Variants in DUSP10 observed in about 807,000 individuals in gnomAD.
The protein encoded by DUSP10 is dual specificity protein phosphatase 10.
Under a neutral mutation model 30.8 loss-of-function variants are expected in DUSP10, and 14 were observed. The ratio of observed to expected loss-of-function variants is 0.46; its 90% CI spans 0.30 to 0.71. The LOEUF is 0.71. Ranked by LOEUF, DUSP10 falls within the 30% of genes least tolerant of loss-of-function variation. The pLI is 0.08. For synonymous variants in DUSP10, 254 were observed against 250.4 expected (o/e 1.01, Z -0.14); for missense variants, 550 against 619.4 (o/e 0.89, Z 1.19).
At chr1:221,737,127 C>A (rs1661799273) in intron 2 of DUSP10, 1 of 985,350 alleles carries the variant, frequency 1.0e-6, no homozygotes, top group Non-Finnish European at 1.2e-6. Context: ...CACAACTCCA[C>A]CCACTGCAAA....
At chr1:221,733,745 T>A (rs2102650088) in intron 2 of DUSP10, among the ~76,000 whole-genome samples, 1 of 152,350 alleles carries the variant, frequency 6.6e-6, no homozygotes, top group Non-Finnish European at 1.5e-5. Flanking sequence ...AGAGGCCCCC[T>A]GATTTGCCTA....
chr1:221,708,044 A>G (rs1309302206), intron 2 of DUSP10, among the ~76,000 whole-genome samples: 1 of 152,212 alleles, frequency 6.6e-6, no homozygotes, highest in Non-Finnish European at 1.5e-5. Flanking sequence ...ATTAGTGCCA[A>G]CTGAGCTCTA....
At chr1:221,710,905 T>C (rs1660915854) in intron 2 of DUSP10, among the ~76,000 whole-genome samples, 1 of 152,090 alleles carries the variant, frequency 6.6e-6, no homozygotes, top group South Asian at 2.1e-4. Flanking sequence ...GCGAACATAT[T>C]GTAGCCATGA....
At position 221,706,455 on chromosome 1, in the gene DUSP10, T is replaced by C. The variant is rs1366807421; in HGVS notation, c.823A>G (p.Ser275Gly). The C allele has an allele frequency of 4.6e-6, 7 of 1,512,516 alleles. No individual in the cohort carries two copies. The highest frequency in any genetic ancestry group is 6.2e-6 in the Non-Finnish European group (7 of 1,130,098). 93.7% of individuals were successfully genotyped at this position (1,512,516 alleles called of 1,614,324 possible). A position where few individuals can be genotyped will look rare whatever the true frequency, so the allele number is the denominator to read the frequency against. ...AGGTTTTCATGGTTCTGCTTAAAAC[T>C]ACTAAGTCCACCTAGAACACAAACA... is the stretch of plus-strand genomic sequence containing the variant. ...EPLVLKGGLS[S>G]FKQNHENLCD... The change falls in exon 3 of 4, where the codon AGT (serine) becomes GGT (glycine). Residue 275 changes from serine (S) to glycine (G), a missense_variant. Coordinates refer to ENST00000366899, the MANE Select transcript of DUSP10 (RefSeq NM_007207.6). The surrounding 1 kb of genome is among the most constrained non-coding windows in gnomAD (Gnocchi z 4.6).
chr1:221,702,094 C>A lies in DUSP10; in HGVS notation c.*318G>T, dbSNP rs1660622809. The A allele has an allele frequency of 3.4e-6, 1 of 292,162 alleles. No individual in the cohort carries two copies. The highest frequency in any genetic ancestry group is 6.5e-6 in the Non-Finnish European group (1 of 153,670). The allele number at this position is 292,162 out of a possible 1,614,324, so 18.1% of individuals were successfully genotyped here. On this transcript the variant is annotated 3_prime_UTR_variant, in exon 4 of 4. Coordinates refer to ENST00000366899, the MANE Select transcript of DUSP10 (RefSeq NM_007207.6). The surrounding 1 kb of genome is among the most constrained non-coding windows in gnomAD (Gnocchi z 4.5). ...TCTTCGGTCTATGAACCTGCACAGA[C>A]TATTTAGTCATAAACTCTACAAATA...
chr1:221,736,940 G>A, intron 2 of DUSP10: 4 of 985,466 alleles, frequency 4.1e-6, no homozygotes, highest in Non-Finnish European at 4.8e-6. Context: ...GCCCAGTGGT[G>A]AGGTCAGCAG....
At chr1:221,709,677 G>C (rs907870978) in intron 2 of DUSP10, among the ~76,000 whole-genome samples, 1 of 152,040 alleles carries the variant, frequency 6.6e-6, no homozygotes, top group Non-Finnish European at 1.5e-5. Flanking sequence ...AAAAAACAAC[G>C]AGTGGAAGCT....
At chr1:221,719,323 G>C (rs6670514) in intron 2 of DUSP10, among the ~76,000 whole-genome samples, 48,638 of 152,032 alleles carry the variant, frequency 0.32, 8,533 homozygotes, top group African/African-American at 0.47. Context: ...GGATCAACTT[G>C]CAGAAAGAAA....
rs78916050 is a variant in DUSP10, at chr1:221,719,942, C to A, written c.812-13476G>T. Among the ~76,000 whole-genome samples, 3 of 152,126 alleles carry A rather than the reference C, an allele frequency of 2.0e-5. No individual in the cohort carries two copies. In the South Asian group the frequency reaches 6.2e-4, roughly 32 times the overall value. Reference sequence around the variant, plus strand: ...ACCATATATATGATATGATATGGTACGATATGACATGAATGAACAATGGCA... The same window carrying A: ...ACCATATATATGATATGATATGGTAAGATATGACATGAATGAACAATGGCA... On this transcript the variant is annotated intron_variant, in intron 2 of 3. Transcript: ENST00000366899.
chr1:221,734,354 A>T (rs1227998867), intron 2 of DUSP10, among the ~76,000 whole-genome samples: 1 of 152,214 alleles, frequency 6.6e-6, no homozygotes, highest in Non-Finnish European at 1.5e-5. Context: ...ATGCAACTTA[A>T]ATTAGTTAAC....
chr1:221,702,766 T>G lies in DUSP10; in HGVS notation c.1184-89A>C. 7.5e-7 allele frequency: 1 copy of G among 1,324,756 alleles called. No individual in the cohort carries two copies. The highest frequency in any genetic ancestry group is 1.4e-5 in the South Asian group (1 of 73,430). The allele number at this position is 1,324,756 out of a possible 1,614,324, so 82.1% of individuals were successfully genotyped here. A position where few individuals can be genotyped will look rare whatever the true frequency, so the allele number is the denominator to read the frequency against. ...ACTTTCATCTCAACTTTGCAATGCC[T>G]TATTTTGTATAGAAATAATGAATTA... is the stretch of plus-strand genomic sequence containing the variant. On this transcript the variant is annotated intron_variant, in intron 3 of 3. Coordinates refer to ENST00000366899, the MANE Select transcript of DUSP10 (RefSeq NM_007207.6). This position sits in a 1 kb window ranked among gnomAD's most constrained non-coding sequence, Gnocchi z 4.5.
At chr1:221,741,767 G>T (rs1007812033) in intron 1 of DUSP10, among the ~76,000 whole-genome samples, 5 of 152,036 alleles carry the variant, frequency 3.3e-5, no homozygotes, top group African/African-American at 1.2e-4. Flanking sequence ...AAACGCACAG[G>T]GTAGCAGGAG....
intron 2 of DUSP10, among the ~76,000 whole-genome samples, chr1:221,712,550 C>T (rs551681140): frequency 6.6e-6 from 1 of 152,148 alleles, no homozygotes; most frequent in Non-Finnish European, 1.5e-5. Context: ...CACACATATA[C>T]ATAAAACTTC....
rs74368450 is a variant in DUSP10 at position 221,720,525 on chromosome 1, C to T, written c.812-14059G>A. Among the ~76,000 whole-genome samples, 534 of 152,248 alleles carry T rather than the reference C, an allele frequency of 3.5e-3. 9 individuals are homozygous for T. The East Asian group carries it at 0.071, about 20-fold the overall frequency. On this transcript the variant is annotated intron_variant, in intron 2 of 3. Transcript: ENST00000366899. ...TTAATGGGACTCAGGGAGGGGGTTG[C>T]AGAAATACTGATTTATAAACAGTGT...
chr1:221,737,344 A>G, intron 2 of DUSP10: 1 of 985,444 alleles, frequency 1.0e-6, no homozygotes, highest in Non-Finnish European at 1.2e-6. Flanking sequence ...AAACTATTAC[A>G]AATGGGAAAT....
At position 221,702,333 on chromosome 1, in the gene DUSP10, A is replaced by G; in HGVS notation, c.*79T>C. 4 of 1,514,404 alleles carry G rather than the reference A, an allele frequency of 2.6e-6. No homozygotes were observed. Among genetic ancestry groups the G allele is most frequent in the Non-Finnish European group, 3.5e-6 (4 of 1,130,410 alleles). 93.8% of individuals were successfully genotyped at this position (1,514,404 alleles called of 1,614,324 possible). Reference sequence around the variant, plus strand: ...ACTCCCAACTACAAAAAAAAAAAGAAAGAAAAAAAACCAGAATCCATCCTC... The same window carrying G: ...ACTCCCAACTACAAAAAAAAAAAGAGAGAAAAAAAACCAGAATCCATCCTC... On this transcript the variant is annotated 3_prime_UTR_variant, in exon 4 of 4. Transcript: ENST00000366899. This position sits in a 1 kb window ranked among gnomAD's most constrained non-coding sequence, Gnocchi z 4.5.
chr1:221,716,506 T>G (rs1571816298), intron 2 of DUSP10, among the ~76,000 whole-genome samples: 1 of 152,206 alleles, frequency 6.6e-6, no homozygotes, highest in Non-Finnish European at 1.5e-5. Context: ...CAGACCTTCC[T>G]CCCAGCCTGT....
rs1305015884 is a variant in DUSP10 at position 221,706,521 on chromosome 1, A to G, written c.812-55T>C. ...ACTGAGATTTCAGAGCTGGCAGAGA[A>G]TGCCACCTCCCCATTAGAATGAGTT... On this transcript the variant is annotated intron_variant, in intron 2 of 3. Coordinates refer to ENST00000366899, the MANE Select transcript of DUSP10 (RefSeq NM_007207.6). The surrounding 1 kb of genome is among the most constrained non-coding windows in gnomAD (Gnocchi z 4.6). 3 of 1,370,832 alleles carry G rather than the reference A, an allele frequency of 2.2e-6. No individual in the cohort carries two copies. The highest frequency in any genetic ancestry group is 2.9e-6 in the Non-Finnish European group (3 of 1,042,672). The allele number at this position is 1,370,832 out of a possible 1,614,324, so 84.9% of individuals were successfully genotyped here. A position where few individuals can be genotyped will look rare whatever the true frequency, so the allele number is the denominator to read the frequency against.
chr1:221,726,206 C>A (rs1661418577), intron 2 of DUSP10, among the ~76,000 whole-genome samples: 1 of 152,148 alleles, frequency 6.6e-6, no homozygotes, highest in African/African-American at 2.4e-5. Context: ...CTCAAACTGG[C>A]AACTAGCACC....
Sources: gnomAD v4.1 joint callset for allele counts (sites outside exome capture counted in the v4.1 genomes callset) on GRCh38, gnomAD v4.1.1 for gene constraint, Gnocchi (gnomAD v3.1) non-coding constraint, MANE v1.5 for transcripts, NCBI Gene and HGNC (gene_info 2026-07-23, HGNC 2026-07-21) for gene names.